The following HIPK2 variants were observed in gnomAD, a reference collection of about 807,000 sequenced individuals.
HIPK2 encodes the protein homeodomain interacting protein kinase 2, also known as homeodomain-interacting protein kinase 2.
In HIPK2, 27 loss-of-function variants were observed where a neutral mutation model predicts 113.7. That is an observed-to-expected ratio of 0.24 (90% confidence interval 0.17 to 0.33). HIPK2 has a LOEUF of 0.33. Ranked by LOEUF, HIPK2 falls within the 10% of genes least tolerant of loss-of-function variation. The probability of loss-of-function intolerance (pLI) is 1.00; values close to 1 mark genes in which losing one functional copy is unlikely to be tolerated. For missense variants in HIPK2, 1,257 were observed against 1,588.0 expected (o/e 0.79, Z 3.54); for synonymous variants, 631 against 642.2 (o/e 0.98, Z 0.26).
At chr7:139,579,593 G>C (rs1798599916) in intron 13 of HIPK2, among the ~76,000 whole-genome samples, 1 of 151,740 alleles carries the variant, frequency 6.6e-6, no homozygotes, top group African/African-American at 2.4e-5. Flanking sequence ...AATTGTTGAT[G>C]AAGAGAGAAA....
At chr7:139,737,872 C>T (rs1423223090) in intron 1 of HIPK2, among the ~76,000 whole-genome samples, 3 of 152,218 alleles carry the variant, frequency 2.0e-5, no homozygotes, top group Non-Finnish European at 2.9e-5. Flanking sequence ...CAGAGCCACA[C>T]CTGCTCACAG....
chr7:139,666,964 G>C (rs571951250), intron 2 of HIPK2, among the ~76,000 whole-genome samples: 56 of 152,184 alleles, frequency 3.7e-4, no homozygotes, highest in African/African-American at 1.3e-3. Context: ...AGGAGGCTGA[G>C]GCAGAAGAAT....
intron 1 of HIPK2, chr7:139,722,092 AT>A (rs775889773): frequency 2.3e-6 from 1 of 438,806 alleles, no homozygotes; most frequent in Non-Finnish European, 4.6e-6. Flanking sequence ...ATGCTTGTTA[AT>A]TACACAGACA....
chr7:139,642,004 T>C (rs11980430), intron 2 of HIPK2, among the ~76,000 whole-genome samples: 18,442 of 152,256 alleles, frequency 0.12, 1,464 homozygotes, highest in African/African-American at 0.23. Context: ...AGATAAATTA[T>C]GGTTGGCAGA....
chr7:139,584,453 C>T lies in HIPK2; in HGVS notation c.2718-389G>A, dbSNP rs550957791. On this transcript the variant is annotated intron_variant, in intron 12 of 14. Transcript: ENST00000406875. ...TGGGACATCTGAGCAAGGAGAGAAC[C>T]AGCAAGAACCCAGCAACCTGGGGAC... 7.9e-5 allele frequency among the ~76,000 whole-genome samples: 12 copies of T among 152,306 alleles called. No homozygotes were observed. The East Asian group carries it at 2.1e-3, about 27-fold the overall frequency.
intron 2 of HIPK2, among the ~76,000 whole-genome samples, chr7:139,641,572 A>G (rs1298082065): frequency 2.6e-5 from 4 of 152,148 alleles, no homozygotes; most frequent in African/African-American, 4.8e-5. Flanking sequence ...GCCAGGCTAG[A>G]GGTCAGAGTG....
intron 2 of HIPK2, among the ~76,000 whole-genome samples, chr7:139,660,285 A>AC (rs1308234779): frequency 5.3e-5 from 8 of 152,194 alleles, no homozygotes; most frequent in East Asian, 3.9e-4. Context: ...AGTAAAAACA[A>AC]CCAATTTTTT....
Position 139,604,140 on chromosome 7 carries a change from C to T in HIPK2, c.2196G>A (p.Val732=). 6.2e-7 allele frequency: 1 copy of T among 1,613,984 alleles called. No homozygotes were observed. The highest frequency in any genetic ancestry group is 8.5e-7 in the Non-Finnish European group (1 of 1,179,884). The change falls in exon 10 of 15, where the codon GTG becomes GTA. Residue 732 remains valine (V), a synonymous_variant. Transcript: ENST00000406875. ...TCTCGGGAATCACGGTGGCATGCTG[C>T]ACTGATGTGTGGGTGGCCACTCCAG... ...QLTGVATHTS[V]QHATVIPETM...
rs563735505 is a variant in HIPK2, at chr7:139,583,653, A to G, written c.2965+164T>C. 5.7e-4 allele frequency: 561 copies of G among 992,450 alleles called. 2 individuals are homozygous for G. The African/African-American group carries it at 8.4e-3, about 15-fold the overall frequency. The allele number at this position is 992,450 out of a possible 1,614,324, so 61.5% of individuals were successfully genotyped here. ...GCTTATACAATGTGCTGTTCAGCAG[A>G]AGCCTCCCCTGGATACTTGAATAAA... On this transcript the variant is annotated intron_variant, in intron 13 of 14. Transcript: ENST00000406875.
intron 2 of HIPK2, among the ~76,000 whole-genome samples, chr7:139,637,649 T>C (rs929601146): frequency 7.9e-5 from 12 of 152,248 alleles, no homozygotes; most frequent in African/African-American, 2.9e-4. Context: ...ACTGTCTGTC[T>C]TCCCTGACCA....
intron 2 of HIPK2, among the ~76,000 whole-genome samples, chr7:139,640,859 T>C (rs1019781171): frequency 6.6e-6 from 1 of 152,134 alleles, no homozygotes; most frequent in Non-Finnish European, 1.5e-5. Context: ...CAAGCAATCC[T>C]TCCGCTTCAG....
chr7:139,575,953 C>T (rs1798476657), intron 13 of HIPK2, among the ~76,000 whole-genome samples: 1 of 152,248 alleles, frequency 6.6e-6, no homozygotes, highest in African/African-American at 2.4e-5. Flanking sequence ...TTCCAGTCTT[C>T]AGAATCGTGA....
At chr7:139,667,609 G>A (rs1460350495) in intron 2 of HIPK2, among the ~76,000 whole-genome samples, 2 of 152,166 alleles carry the variant, frequency 1.3e-5, no homozygotes, top group Non-Finnish European at 2.9e-5. Flanking sequence ...TTCAGAAGTG[G>A]TACTGACTCA....
At chr7:139,766,998 T>C (rs1368636283) in intron 1 of HIPK2, among the ~76,000 whole-genome samples, 1 of 152,204 alleles carries the variant, frequency 6.6e-6, no homozygotes, top group Non-Finnish European at 1.5e-5. Context: ...TGGATCTGCA[T>C]GTGCCTATGG....
At chr7:139,738,646 C>A (rs1796011197) in intron 1 of HIPK2, among the ~76,000 whole-genome samples, 1 of 152,084 alleles carries the variant, frequency 6.6e-6, no homozygotes, top group South Asian at 2.1e-4. Flanking sequence ...ACAGCACATT[C>A]AAGGGCATGA....
chr7:139,575,871 T>C (rs967941436), intron 13 of HIPK2, among the ~76,000 whole-genome samples: 1 of 152,258 alleles, frequency 6.6e-6, no homozygotes, highest in African/African-American at 2.4e-5. Context: ...TGCTCTTTTG[T>C]CCTTCTGCCT....
chr7:139,613,079 T>C lies in HIPK2; in HGVS notation c.2112+123A>G. 1 of 1,173,652 alleles carries C rather than the reference T, an allele frequency of 8.5e-7. No individual in the cohort carries two copies. The allele number at this position is 1,173,652 out of a possible 1,614,324, so 72.7% of individuals were successfully genotyped here. A position where few individuals can be genotyped will look rare whatever the true frequency, so the allele number is the denominator to read the frequency against. On this transcript the variant is annotated intron_variant, in intron 9 of 14. Transcript: ENST00000406875. This position sits in a 1 kb window ranked among gnomAD's most constrained non-coding sequence, Gnocchi z 4.2. ...GACCATTTAGAATATTACAGATACATTCCAATGACTAGAAGCACCTAACTC... is the reference window on the plus strand; with the variant it reads ...GACCATTTAGAATATTACAGATACACTCCAATGACTAGAAGCACCTAACTC...
chr7:139,700,569 G>A (rs931137179), intron 2 of HIPK2, among the ~76,000 whole-genome samples: 2 of 152,110 alleles, frequency 1.3e-5, no homozygotes. Context: ...GTACATCCAC[G>A]CTGTATTTTC....
intron 2 of HIPK2, among the ~76,000 whole-genome samples, chr7:139,664,574 C>T (rs137924704): frequency 1.1e-3 from 161 of 152,180 alleles, no homozygotes; most frequent in African/African-American, 3.7e-3. Flanking sequence ...TCCTGCAAAC[C>T]CTTGATTTTT....
Sources: allele counts gnomAD v4.1 joint callset (sites outside exome capture counted in the v4.1 genomes callset), GRCh38; gene constraint gnomAD v4.1.1; non-coding constraint Gnocchi (gnomAD v3.1); transcripts MANE v1.5; gene names NCBI Gene and HGNC (gene_info 2026-07-23, HGNC 2026-07-21).